The following NR3C2 variants were observed in gnomAD, a reference collection of about 807,000 sequenced individuals.
The protein encoded by NR3C2 is nuclear receptor subfamily 3 group C member 2.
A neutral mutation model predicts 86.4 loss-of-function variants in NR3C2; 15 were observed. The observed-to-expected ratio is 0.17, with a 90% CI of 0.12 to 0.27. The LOEUF is 0.27. NR3C2 is among the 10% of genes least tolerant of loss of function. The probability of loss-of-function intolerance (pLI) is 1.00; values close to 1 mark genes in which losing one functional copy is unlikely to be tolerated. For synonymous variants in NR3C2, 458 were observed against 450.5 expected, an observed-to-expected ratio of 1.02 and a Z score of -0.21; for missense variants, 960 against 1,195.6, an observed-to-expected ratio of 0.80 and a Z score of 2.91.
chr4:148,255,304 A>G (rs1043520550), intron 3 of NR3C2, among the ~76,000 whole-genome samples: 4 of 152,236 alleles, frequency 2.6e-5, no homozygotes, highest in African/African-American at 9.6e-5. Context: ...TAGAATACAC[A>G]ATCATAAATT....
chr4:148,189,370 T>C (rs529459859), intron 4 of NR3C2, among the ~76,000 whole-genome samples: 1 of 152,384 alleles, frequency 6.6e-6, no homozygotes, highest in African/African-American at 2.4e-5. Context: ...AAAGCATCCC[T>C]GCATGCCTGG....
At chr4:148,253,788 C>T (rs1361694134) in intron 3 of NR3C2, among the ~76,000 whole-genome samples, 1 of 152,114 alleles carries the variant, frequency 6.6e-6, no homozygotes, top group Non-Finnish European at 1.5e-5. Flanking sequence ...ATTTGTTATG[C>T]TTAATCTTTT....
At chr4:148,138,204 G>A (rs1028064036) in intron 6 of NR3C2, among the ~76,000 whole-genome samples, 1 of 152,116 alleles carries the variant, frequency 6.6e-6, no homozygotes, top group Non-Finnish European at 1.5e-5. Flanking sequence ...GCTCATTAAC[G>A]ACAATGTTAG....
intron 4 of NR3C2, among the ~76,000 whole-genome samples, chr4:148,186,992 G>GTATATA (rs1735936298): frequency 9.6e-5 from 1 of 10,366 alleles, no homozygotes; most frequent in African/African-American, 1.3e-3. Flanking sequence ...ATGTGTGTAT[G>GTATATA]TATGTATATA....
At chr4:148,259,801 T>C (rs952250474) in intron 3 of NR3C2, among the ~76,000 whole-genome samples, 177 bp downstream of exon 3, 2 of 152,220 alleles carry the variant, frequency 1.3e-5, no homozygotes, top group African/African-American at 2.4e-5. Flanking sequence ...TCATTAAATA[T>C]TGCTTTGTGG....
chr4:148,345,231 C>T (rs578216097), intron 2 of NR3C2, among the ~76,000 whole-genome samples: 1 of 151,976 alleles, frequency 6.6e-6, no homozygotes, highest in African/African-American at 2.4e-5. Flanking sequence ...ATGGAAAACA[C>T]TGGATATTTT....
chr4:148,254,866 A>C (rs1288589221), intron 3 of NR3C2, among the ~76,000 whole-genome samples: 1 of 152,242 alleles, frequency 6.6e-6, no homozygotes, highest in African/African-American at 2.4e-5. Context: ...TGGAAACACC[A>C]GGGACTGTAT....
chr4:148,422,383 A>G (rs569946524), intron 2 of NR3C2, among the ~76,000 whole-genome samples: 2 of 152,236 alleles, frequency 1.3e-5, no homozygotes, highest in Admixed American at 1.3e-4. Flanking sequence ...TTCCAAGAAC[A>G]AAAGCCTCTC....
chr4:148,332,516 T>A lies in NR3C2; in HGVS notation c.1758-72399A>T, dbSNP rs184253364. On this transcript the variant is annotated intron_variant, in intron 2 of 8. Transcript: ENST00000358102. ...AACATGCACAAACATTTCTTAGCAA[T>A]AGTTATCTCTGAGAGGTTTGTTTGC... Among the ~76,000 whole-genome samples, 4 of 152,344 alleles carry A rather than the reference T, an allele frequency of 2.6e-5. 1 individual carries two copies. The East Asian group carries it at 7.7e-4, about 29-fold the overall frequency.
chr4:148,123,140 T>C (rs191893386), intron 6 of NR3C2, among the ~76,000 whole-genome samples: 1 of 152,120 alleles, frequency 6.6e-6, no homozygotes, highest in African/African-American at 2.4e-5. Flanking sequence ...TGGGAATGTA[T>C]GTCTTATGCG....
chr4:148,231,163 TA>T (rs1738440771), intron 3 of NR3C2, among the ~76,000 whole-genome samples: 1 of 152,224 alleles, frequency 6.6e-6, no homozygotes, highest in Non-Finnish European at 1.5e-5. Flanking sequence ...AACTGATGAC[TA>T]AAAGTATCAT....
chr4:148,310,321 C>G (rs1243191663), intron 2 of NR3C2, among the ~76,000 whole-genome samples: 1 of 152,168 alleles, frequency 6.6e-6, no homozygotes, highest in African/African-American at 2.4e-5. Flanking sequence ...TGCATCTATA[C>G]AGCTGAAAAT....
intron 2 of NR3C2, among the ~76,000 whole-genome samples, chr4:148,268,367 T>C (rs1740505185): frequency 6.6e-6 from 1 of 152,228 alleles, no homozygotes; most frequent in Non-Finnish European, 1.5e-5. Flanking sequence ...GAATCATTTA[T>C]GTTTGGAAGA....
chr4:148,108,110 G>GT (rs893318573), intron 8 of NR3C2, among the ~76,000 whole-genome samples: 27 of 151,736 alleles, frequency 1.8e-4, no homozygotes, highest in African/African-American at 5.1e-4. Flanking sequence ...TTTGTTTTTT[G>GT]TTTTTTTTAT....
chr4:148,269,127 T>C (rs1400859777), intron 2 of NR3C2, among the ~76,000 whole-genome samples: 1 of 152,036 alleles, frequency 6.6e-6, no homozygotes, highest in African/African-American at 2.4e-5. Context: ...AGATCCTAGA[T>C]AGAAATCTAC....
At chr4:148,402,064 T>C (rs546871622) in intron 2 of NR3C2, among the ~76,000 whole-genome samples, 2 of 152,352 alleles carry the variant, frequency 1.3e-5, no homozygotes, top group African/African-American at 4.8e-5. Flanking sequence ...ATCTTCAGTA[T>C]GGAAGTACCC....
At chr4:148,337,444 CAT>C (rs1425490230) in intron 2 of NR3C2, among the ~76,000 whole-genome samples, 1 of 152,156 alleles carries the variant, frequency 6.6e-6, no homozygotes, top group Admixed American at 6.5e-5. Flanking sequence ...CCACTTCTGA[CAT>C]AGAAGTTACA....
intron 2 of NR3C2, among the ~76,000 whole-genome samples, chr4:148,430,423 T>C (rs1749747012): frequency 6.6e-6 from 1 of 152,136 alleles, no homozygotes; most frequent in Non-Finnish European, 1.5e-5. Context: ...ACACTTAATT[T>C]TTTTATTATC....
At chr4:148,242,337 A>T (rs551224801) in intron 3 of NR3C2, among the ~76,000 whole-genome samples, 1 of 152,334 alleles carries the variant, frequency 6.6e-6, no homozygotes, top group African/African-American at 2.4e-5. Context: ...AAGAAATGTG[A>T]ATTATTTCCA....
Sources: gnomAD v4.1 joint callset for allele counts (sites outside exome capture counted in the v4.1 genomes callset) on GRCh38, gnomAD v4.1.1 for gene constraint, MANE v1.5 for transcripts, NCBI Gene and HGNC (gene_info 2026-07-23, HGNC 2026-07-21) for gene names.